Variants in PTCRA observed in about 807,000 individuals in gnomAD.
PTCRA encodes the protein pre T cell antigen receptor alpha.
Under a neutral mutation model 13.4 loss-of-function variants are expected in PTCRA, and 9 were observed. The observed-to-expected ratio is 0.67, with a 90% CI of 0.41 to 1.18. The LOEUF is 1.18. PTCRA is among the 50% of genes most tolerant of loss of function. The pLI is 0.01. For missense variants in PTCRA, 353 were observed against 359.8 expected (o/e 0.98, Z 0.15); for synonymous variants, 153 against 161.9 (o/e 0.94, Z 0.42).
intron 1 of PTCRA, among the ~76,000 whole-genome samples, chr6:42,921,165 G>C (rs776989753): frequency 5.3e-5 from 8 of 151,824 alleles, no homozygotes; most frequent in Non-Finnish European, 1.2e-4. Context: ...GTAGTGGCAT[G>C]ATCTTGGCTC....
intron 1 of PTCRA, among the ~76,000 whole-genome samples, chr6:42,920,840 C>G (rs1767120116): frequency 6.6e-6 from 1 of 150,862 alleles, no homozygotes; most frequent in Non-Finnish European, 1.5e-5. Flanking sequence ...CTCTGTCACC[C>G]AGGCTGGAGT....
intron 1 of PTCRA, among the ~76,000 whole-genome samples, chr6:42,921,480 T>C (rs887399356): frequency 1.1e-4 from 15 of 141,408 alleles, no homozygotes; most frequent in Non-Finnish European, 4.5e-5. Flanking sequence ...TGCAGTGGCG[T>C]GATCTAGGCT....
At chr6:42,924,194 C>A in intron 2 of PTCRA, 35 bp from the exon 3 acceptor site, 1 of 1,583,210 alleles carries the variant, frequency 6.3e-7, no homozygotes, top group Non-Finnish European at 8.6e-7. Flanking sequence ...CATGGCCCAT[C>A]CCCAAAGACT....
chr6:42,924,855 CA>C (rs897958114), intron 3 of PTCRA, among the ~76,000 whole-genome samples: 13 of 152,020 alleles, frequency 8.6e-5, no homozygotes, highest in Middle Eastern at 3.2e-3. Context: ...CCTGTAGTCC[CA>C]GCTACTCAGG....
intron 1 of PTCRA, chr6:42,922,119 T>G: frequency 1.5e-6 from 1 of 661,248 alleles, no homozygotes; most frequent in Non-Finnish European, 2.7e-6. Flanking sequence ...CCACCTAGAT[T>G]AACAAACGTT....
intron 1 of PTCRA, chr6:42,922,125 A>T: frequency 1.5e-6 from 1 of 665,792 alleles, no homozygotes; most frequent in Non-Finnish European, 2.7e-6. Flanking sequence ...AGATTAACAA[A>T]CGTTTAACAT....
intron 1 of PTCRA, among the ~76,000 whole-genome samples, chr6:42,921,187 C>T (rs888784012): frequency 2.6e-5 from 4 of 151,838 alleles, no homozygotes; most frequent in Admixed American, 1.3e-4. Context: ...CTGCAACCTC[C>T]GCCTCTGGGT....
In PTCRA at chr6:42,925,631, A is replaced by G; in HGVS notation, c.795A>G (p.Gly265=). 1.9e-6 allele frequency: 3 copies of G among 1,563,508 alleles called. No individual in the cohort carries two copies. The highest frequency in any genetic ancestry group is 2.6e-6 in the Non-Finnish European group (3 of 1,157,340). Residue 265 remains glycine (G), a synonymous_variant, in exon 4 of 4, where the codon GGA becomes GGG. Transcript: ENST00000304672. This position sits in a 1 kb window ranked among gnomAD's most constrained non-coding sequence, Gnocchi z 4.4. Reference sequence around the variant, plus strand: ...TCAGGGCTCCTTCCTCCAGTCTTGGAGCATTTTTTGCAGGTGACCTGCCTC... The same window carrying G: ...TCAGGGCTCCTTCCTCCAGTCTTGGGGCATTTTTTGCAGGTGACCTGCCTC... ...SALRAPSSSL[G]AFFAGDLPPP... is the part of the protein sequence containing the mutation.
intron 1 of PTCRA, among the ~76,000 whole-genome samples, chr6:42,920,274 C>G (rs567034684): frequency 2.7e-5 from 4 of 150,452 alleles, no homozygotes; most frequent in Non-Finnish European, 4.4e-5. Flanking sequence ...GAGCCGAGAT[C>G]GCGCCACTGC....
intron 1 of PTCRA, among the ~76,000 whole-genome samples, chr6:42,918,557 A>AAAT (rs997240610): frequency 1.8e-4 from 28 of 151,656 alleles, no homozygotes; most frequent in South Asian, 4.2e-4. Context: ...TCCATCTCAA[A>AAAT]AATAATAATA....
In PTCRA at chr6:42,925,212, G is replaced by T; in HGVS notation, c.425-49G>T. On this transcript the variant is annotated intron_variant, in intron 3 of 3. Transcript: ENST00000304672. This position sits in a 1 kb window ranked among gnomAD's most constrained non-coding sequence, Gnocchi z 4.4. ...GCCCTCTCCGCCGTTCTCTCCTGGGGTAGGGGGCTGCGGGCTCCTGCGGGC... is the reference window on the plus strand; with the variant it reads ...GCCCTCTCCGCCGTTCTCTCCTGGGTTAGGGGGCTGCGGGCTCCTGCGGGC... The T allele has an allele frequency of 1.9e-6, 3 of 1,542,594 alleles. No individual in the cohort carries two copies. Among genetic ancestry groups the T allele is most frequent in the Non-Finnish European group, 1.7e-6 (2 of 1,150,490 alleles).
At chr6:42,922,409 A>G (rs1276092897) in intron 1 of PTCRA, 5 of 599,984 alleles carry the variant, frequency 8.3e-6, no homozygotes, top group Non-Finnish European at 1.5e-5. Context: ...ATGGAAGGAG[A>G]GGTGGGTAGA....
intron 3 of PTCRA, among the ~76,000 whole-genome samples, chr6:42,924,969 T>TAA (rs11343543): frequency 6.9e-6 from 1 of 144,948 alleles, no homozygotes; most frequent in Non-Finnish European, 1.5e-5. Flanking sequence ...AGACTCCATC[T>TAA]AAAAAAAAAA....
Position 42,923,071 on chromosome 6 carries a change from C to G in PTCRA, c.103C>G (p.Leu35Val). 6.2e-7 allele frequency: 1 copy of G among 1,614,234 alleles called. No individual in the cohort carries two copies. The highest frequency in any genetic ancestry group is 2.2e-5 in the East Asian group (1 of 44,890). Residue 35 changes from leucine (L) to valine (V), a missense_variant, in exon 2 of 4, where the codon CTG becomes GTG. Coordinates refer to ENST00000304672, the MANE Select transcript of PTCRA (RefSeq NM_138296.3). ...TCCTTCTCTGGCCCCACCAATCATGCTGCTGGTGGATGGAAAGCAGCAGAT... is the reference window on the plus strand; with the variant it reads ...TCCTTCTCTGGCCCCACCAATCATGGTGCTGGTGGATGGAAAGCAGCAGAT... ...PFPSLAPPIM[L>V]LVDGKQQMVV...
chr6:42,922,150 A>G (rs1005431414), intron 1 of PTCRA: 8 of 687,662 alleles, frequency 1.2e-5, no homozygotes, highest in Admixed American at 2.1e-5. Flanking sequence ...CCATATTTAA[A>G]TCAGACTTTT....
At chr6:42,922,340 C>G (rs1331644681) in intron 1 of PTCRA, 4 of 681,382 alleles carry the variant, frequency 5.9e-6, no homozygotes, top group Admixed American at 2.2e-5. Context: ...AATGACTTAC[C>G]CAATGTTGTA....
chr6:42,923,316 C>G lies in PTCRA; in HGVS notation c.348C>G (p.His116Gln), dbSNP rs200182239. Residue 116 changes from histidine to glutamine, a missense_variant, in exon 2 of 4, where the codon CAC (histidine) becomes CAG (glutamine). By Grantham distance (24) the His-to-Gln change is conservative (BLOSUM62 0). Coordinates refer to ENST00000304672, the MANE Select transcript of PTCRA (RefSeq NM_138296.3). ...VCHTGPGAEG[H>Q]SRSTQPMHLS... is the part of the protein sequence containing the mutation. ...ACACTGGGCCTGGGGCTGAGGGTCA[C>G]AGCAGGAGTACACAGCCCATGCATC... is the stretch of plus-strand genomic sequence containing the variant. The G allele has an allele frequency of 9.8e-5, 158 of 1,614,086 alleles. No homozygotes were observed. Among genetic ancestry groups the G allele is most frequent in the Admixed American group, 2.3e-4 (14 of 60,010 alleles).
Position 42,925,581 on chromosome 6 carries a change from C to G in PTCRA, c.745C>G (p.Gln249Glu). Reference sequence around the variant, plus strand: ...CAGCAGTTACCCCACTTGCCCAGCACAGGCCTGGTGCTCAAGATCTGCCCT... The same window carrying G: ...CAGCAGTTACCCCACTTGCCCAGCAGAGGCCTGGTGCTCAAGATCTGCCCT... The part of the protein sequence containing the change: ...YLSSYPTCPA[Q>E]AWCSRSALRA... The change falls in exon 4 of 4, where the codon CAG becomes GAG. Residue 249 changes from glutamine (Q) to glutamate (E), a missense_variant. By Grantham distance (29) the Gln-to-Glu change is conservative. Transcript: ENST00000304672. The surrounding 1 kb of genome is among the most constrained non-coding windows in gnomAD (Gnocchi z 4.4). 1 of 1,602,786 alleles carries G rather than the reference C, an allele frequency of 6.2e-7. No individual in the cohort carries two copies. The highest frequency in any genetic ancestry group is 1.7e-4 in the Middle Eastern group (1 of 6,030).
Position 42,924,250 on chromosome 6 carries a change from C to A in PTCRA, c.401C>A (p.Thr134Asn). The change falls in exon 3 of 4, where the codon ACC becomes AAC. Residue 134 changes from threonine (T) to asparagine (N), a missense_variant. Physicochemically the swap from Thr to Asn is moderately conservative, Grantham distance 65 (BLOSUM62 0). Coordinates refer to ENST00000304672, the MANE Select transcript of PTCRA (RefSeq NM_138296.3). ...HLSGEASTAR[T>N]CPQEPLRGTP... Reference sequence around the variant, plus strand: ...ACAGGAGAGGCTTCTACAGCCAGGACCTGCCCCCAGGAGCCTCTCAGGGGT... The same window carrying A: ...ACAGGAGAGGCTTCTACAGCCAGGAACTGCCCCCAGGAGCCTCTCAGGGGT... 1 of 1,611,898 alleles carries A rather than the reference C, an allele frequency of 6.2e-7. No individual in the cohort carries two copies. The highest frequency in any genetic ancestry group is 1.1e-5 in the South Asian group (1 of 90,976).
Sources: gnomAD v4.1 joint callset for allele counts (sites outside exome capture counted in the v4.1 genomes callset) on GRCh38, gnomAD v4.1.1 for gene constraint, Gnocchi (gnomAD v3.1) non-coding constraint, MANE v1.5 for transcripts, NCBI Gene and HGNC (gene_info 2026-07-23, HGNC 2026-07-21) for gene names.